GRM7: variants seen among roughly 807,000 people sequenced by gnomAD.
GRM7 encodes the protein metabotropic glutamate receptor 7.
GRM7 carries 35 observed loss-of-function variants against 84.5 expected under a neutral mutation model. The observed-to-expected ratio is 0.41, with a 90% CI of 0.32 to 0.55. The LOEUF is 0.55. Among genes scored for constraint, GRM7 ranks in the 20% least tolerant of loss-of-function variants. GRM7 has a pLI of 0.19. For synonymous variants in GRM7, 487 were observed against 455.1 expected, an observed-to-expected ratio of 1.07 and a Z score of -0.89; for missense variants, 1,003 against 1,194.6, an observed-to-expected ratio of 0.84 and a Z score of 2.36.
intron 5 of GRM7, among the ~76,000 whole-genome samples, chr3:7,416,678 G>T (rs1696173030): frequency 6.6e-6 from 1 of 152,112 alleles, no homozygotes; most frequent in Non-Finnish European, 1.5e-5. Flanking sequence ...GTATCATTCA[G>T]TCAACTGGAC....
chr3:7,483,657 T>A (rs951923043), intron 7 of GRM7, among the ~76,000 whole-genome samples: 3 of 152,138 alleles, frequency 2.0e-5, no homozygotes, highest in African/African-American at 7.2e-5. Context: ...CTCAGTTAAA[T>A]CTGTGGTTTT....
At chr3:7,588,694 A>G (rs1356546788) in intron 8 of GRM7, among the ~76,000 whole-genome samples, 1 of 152,210 alleles carries the variant, frequency 6.6e-6, no homozygotes, top group Non-Finnish European at 1.5e-5. Context: ...CACTTCCTTG[A>G]AGCTCTCGAT....
chr3:7,018,507 C>T (rs532045469), intron 1 of GRM7, among the ~76,000 whole-genome samples: 2 of 152,306 alleles, frequency 1.3e-5, no homozygotes, highest in South Asian at 4.1e-4. Flanking sequence ...CCCTAACTGC[C>T]CCATACTGTA....
intron 9 of GRM7, among the ~76,000 whole-genome samples, chr3:7,735,647 A>T (rs1452295951): frequency 1.3e-5 from 2 of 152,168 alleles, no homozygotes; most frequent in Non-Finnish European, 2.9e-5. Context: ...CTCCTCAAAA[A>T]ATGTACTATA....
intron 1 of GRM7, among the ~76,000 whole-genome samples, chr3:6,864,414 C>T (rs1694872659): frequency 2.0e-5 from 3 of 152,120 alleles, no homozygotes; most frequent in African/African-American, 7.2e-5. Flanking sequence ...TTCCAGTCCC[C>T]AGGTTTCCAG....
intron 1 of GRM7, among the ~76,000 whole-genome samples, chr3:6,961,838 T>C (rs1693311113): frequency 6.6e-6 from 1 of 152,168 alleles, no homozygotes; most frequent in Non-Finnish European, 1.5e-5. Context: ...GTTTTCTGTA[T>C]GCTCAGCATA....
At chr3:7,268,293 C>T (rs1323222778) in intron 2 of GRM7, among the ~76,000 whole-genome samples, 3 of 113,418 alleles carry the variant, frequency 2.6e-5, no homozygotes, top group Admixed American at 8.3e-5. Flanking sequence ...CTACAAAAAA[C>T]TTAAAAAAAA....
chr3:6,861,913 G>GGT lies in GRM7; in HGVS notation c.519+6_519+7insGT. On this transcript the variant is annotated splice_region_variant and intron_variant, in intron 1 of 9. Coordinates refer to ENST00000357716, the MANE Select transcript of GRM7 (RefSeq NM_000844.4). The surrounding 1 kb of genome is among the most constrained non-coding windows in gnomAD (Gnocchi z 6.4). ...ACATCCTGAGGCTCTTCCAGGTAGGGATGCGCTCCCTCCGGGGCGGAGCAC... is the reference window on the plus strand; with the variant it reads ...ACATCCTGAGGCTCTTCCAGGTAGGGGTATGCGCTCCCTCCGGGGCGGAGCAC... 1 of 1,604,858 alleles carries GGT rather than the reference G, an allele frequency of 6.2e-7. No individual in the cohort carries two copies. Among genetic ancestry groups the GGT allele is most frequent in the Non-Finnish European group, 8.5e-7 (1 of 1,173,674 alleles).
At position 7,403,656 on chromosome 3, in the gene GRM7, TAC is replaced by T. The variant is rs557830060; in HGVS notation, c.1034-11359_1034-11358del. ...ATATATATATATATATATATGTACA[TAC>T]ACACACATTTTTACATATATATACA... On this transcript the variant is annotated intron_variant, in intron 4 of 9. Coordinates refer to ENST00000357716, the MANE Select transcript of GRM7 (RefSeq NM_000844.4). Among the ~76,000 whole-genome samples the T allele has an allele frequency of 1.1e-4, 16 of 145,938 alleles. No homozygotes were observed. The East Asian group carries it at 1.8e-3, about 16-fold the overall frequency.
chr3:7,618,559 T>G (rs1258881865), intron 8 of GRM7, among the ~76,000 whole-genome samples: 1 of 152,164 alleles, frequency 6.6e-6, no homozygotes, highest in Non-Finnish European at 1.5e-5. Context: ...TATTTTCTGT[T>G]GCCATTTGTG....
intron 4 of GRM7, among the ~76,000 whole-genome samples, chr3:7,382,293 A>G (rs779987009): frequency 6.6e-6 from 1 of 152,140 alleles, no homozygotes; most frequent in African/African-American, 2.4e-5. Context: ...TTCCATGTAT[A>G]TAGGCCTATT....
intron 8 of GRM7, among the ~76,000 whole-genome samples, chr3:7,620,446 G>T (rs1017949077): frequency 1.3e-5 from 2 of 152,086 alleles, no homozygotes; most frequent in Admixed American, 1.3e-4. Context: ...ATGTCTTGGT[G>T]AATTATGACT....
chr3:7,536,777 A>C (rs1298042559), intron 7 of GRM7, among the ~76,000 whole-genome samples: 1 of 152,192 alleles, frequency 6.6e-6, no homozygotes, highest in Non-Finnish European at 1.5e-5. Context: ...TTCAACATTC[A>C]TGTGACTGTA....
intron 8 of GRM7, among the ~76,000 whole-genome samples, chr3:7,599,457 A>G (rs2125069145): frequency 6.6e-6 from 1 of 152,238 alleles, no homozygotes; most frequent in Non-Finnish European, 1.5e-5. Context: ...GTGATGAGAA[A>G]TCCTAGTCCT....
chr3:7,418,985 A>C (rs966978791), intron 5 of GRM7, among the ~76,000 whole-genome samples: 2 of 152,142 alleles, frequency 1.3e-5, no homozygotes, highest in African/African-American at 4.8e-5. Context: ...AATTTAAATA[A>C]AGGGTCTGAA....
At position 7,580,569 on chromosome 3, in the gene GRM7, A is replaced by G. The variant is rs566624044; in HGVS notation, c.2451+1212A>G. 3.3e-5 allele frequency among the ~76,000 whole-genome samples: 5 copies of G among 152,306 alleles called. No individual in the cohort carries two copies. The South Asian group carries it at 1.0e-3, about 32-fold the overall frequency. ...ATGGCATCTAGTTTTCCAGCTGAAAAGATGTATTTTACCTAAATTGTGTAA... is the reference window on the plus strand; with the variant it reads ...ATGGCATCTAGTTTTCCAGCTGAAAGGATGTATTTTACCTAAATTGTGTAA... On this transcript the variant is annotated intron_variant, in intron 8 of 9. Transcript: ENST00000357716.
intron 4 of GRM7, among the ~76,000 whole-genome samples, chr3:7,344,947 A>C (rs573694021): frequency 3.0e-4 from 46 of 152,298 alleles, no homozygotes; most frequent in Non-Finnish European, 5.4e-4. Flanking sequence ...ACAAATGTTA[A>C]ATGTTTGAGG....
intron 1 of GRM7, among the ~76,000 whole-genome samples, chr3:7,041,857 C>T (rs9820568): frequency 6.6e-6 from 1 of 152,134 alleles, no homozygotes; most frequent in Non-Finnish European, 1.5e-5. Flanking sequence ...CCCTTCTGCT[C>T]GCCTCTAAGG....
At chr3:6,920,357 C>A (rs1041142485) in intron 1 of GRM7, among the ~76,000 whole-genome samples, 14 of 152,180 alleles carry the variant, frequency 9.2e-5, no homozygotes, top group South Asian at 4.1e-4. Flanking sequence ...GAGTTCAAGA[C>A]CAGCCTGGCC....
Sources: allele counts gnomAD v4.1 joint callset (sites outside exome capture counted in the v4.1 genomes callset), GRCh38; gene constraint gnomAD v4.1.1; non-coding constraint Gnocchi (gnomAD v3.1); transcripts MANE v1.5; gene names NCBI Gene and HGNC (gene_info 2026-07-23, HGNC 2026-07-21).